RBFOX2: variants seen among roughly 807,000 people sequenced by gnomAD.
The protein encoded by RBFOX2 is RNA binding fox-1 homolog 2.
RBFOX2 carries 10 observed loss-of-function variants against 49.1 expected under a neutral mutation model. The ratio of observed to expected loss-of-function variants is 0.20; its 90% CI spans 0.13 to 0.35. The LOEUF (loss-of-function observed/expected upper bound fraction) is 0.35, where lower values mean the gene tolerates loss of function less well. Ranked by LOEUF, RBFOX2 falls within the 10% of genes least tolerant of loss-of-function variation. RBFOX2 has a pLI of 1.00. For synonymous variants in RBFOX2, 183 were observed against 187.4 expected (o/e 0.98, Z 0.19); for missense variants, 323 against 486.9 (o/e 0.66, Z 3.17).
chr22:35,794,073 A>G (rs1205240589), intron 2 of RBFOX2, among the ~76,000 whole-genome samples: 1 of 152,204 alleles, frequency 6.6e-6, no homozygotes, highest in Non-Finnish European at 1.5e-5. Flanking sequence ...TCAATTTTTT[A>G]AAACTTTATA....
At chr22:36,014,161 G>A (rs947581312) in intron 1 of RBFOX2, among the ~76,000 whole-genome samples, 86 of 149,480 alleles carry the variant, frequency 5.8e-4, no homozygotes, top group Admixed American at 1.8e-3. Flanking sequence ...TCACTCTGTC[G>A]CCCAGGCTGG....
chr22:35,806,612 G>A (rs1315739510), intron 2 of RBFOX2, among the ~76,000 whole-genome samples: 5 of 151,990 alleles, frequency 3.3e-5, no homozygotes, highest in Non-Finnish European at 7.4e-5. Flanking sequence ...GATGTAAAAG[G>A]TACAAAAATT....
chr22:35,781,978 T>C (rs1945244199), intron 2 of RBFOX2, among the ~76,000 whole-genome samples: 1 of 152,200 alleles, frequency 6.6e-6, no homozygotes, highest in Admixed American at 6.5e-5. Flanking sequence ...ATTTATAGTA[T>C]GCTAACAAAA....
intron 6 of RBFOX2, among the ~76,000 whole-genome samples, chr22:35,762,131 A>C (rs1939122403): frequency 6.6e-6 from 1 of 152,226 alleles, no homozygotes; most frequent in Non-Finnish European, 1.5e-5. Flanking sequence ...CCTTTAAGTT[A>C]ATCAGACTTC....
intron 1 of RBFOX2, among the ~76,000 whole-genome samples, chr22:35,991,767 C>A (rs2150111991): frequency 6.6e-6 from 1 of 152,232 alleles, no homozygotes; most frequent in South Asian, 2.1e-4. Context: ...CCGACTCAGG[C>A]TGACAAGAAC....
At chr22:35,806,883 C>A (rs879357692) in intron 2 of RBFOX2, among the ~76,000 whole-genome samples, 1 of 152,182 alleles carries the variant, frequency 6.6e-6, no homozygotes, top group Non-Finnish European at 1.5e-5. Flanking sequence ...CAGTTCACTG[C>A]AACCTCCGCC....
At chr22:35,899,608 G>A (rs1270670580) in intron 1 of RBFOX2, among the ~76,000 whole-genome samples, 1 of 151,196 alleles carries the variant, frequency 6.6e-6, no homozygotes, top group Non-Finnish European at 1.5e-5. Context: ...GGAACAAAGT[G>A]GTAGGAGAAG....
intron 1 of RBFOX2, among the ~76,000 whole-genome samples, chr22:35,846,846 C>T (rs943267314): frequency 3.9e-5 from 6 of 152,288 alleles, no homozygotes; most frequent in Middle Eastern, 3.4e-3. Flanking sequence ...CTACCCTAAA[C>T]CCTCAAATCA....
chr22:35,909,324 C>T (rs938437838), intron 1 of RBFOX2, among the ~76,000 whole-genome samples: 1 of 152,022 alleles, frequency 6.6e-6, no homozygotes, highest in African/African-American at 2.4e-5. Flanking sequence ...ATATACATTA[C>T]ATCAGGAATT....
At chr22:35,866,932 T>C (rs1290206926) in intron 1 of RBFOX2, among the ~76,000 whole-genome samples, 3 of 152,212 alleles carry the variant, frequency 2.0e-5, no homozygotes, top group Admixed American at 6.5e-5. Flanking sequence ...TAGAGAGCCC[T>C]TGGAGCCCTA....
chr22:35,780,546 A>C (rs1180676720), intron 3 of RBFOX2, among the ~76,000 whole-genome samples: 1 of 152,220 alleles, frequency 6.6e-6, no homozygotes, highest in Non-Finnish European at 1.5e-5. Flanking sequence ...TCAGGAGGAA[A>C]TAAACAGTTG....
At chr22:35,808,682 T>C (rs1334705762) in intron 2 of RBFOX2, among the ~76,000 whole-genome samples, 1 of 151,954 alleles carries the variant, frequency 6.6e-6, no homozygotes, top group Non-Finnish European at 1.5e-5. Flanking sequence ...ACCCTGTCTC[T>C]ACAAAAAAAA....
intron 1 of RBFOX2, among the ~76,000 whole-genome samples, chr22:36,017,704 A>G (rs963948399): frequency 3.9e-5 from 6 of 152,188 alleles, no homozygotes; most frequent in African/African-American, 1.4e-4. Context: ...GTAAATCAAC[A>G]GCCTGCTCCA....
At chr22:35,835,332 G>A (rs965023112) in intron 1 of RBFOX2, among the ~76,000 whole-genome samples, 45 of 152,280 alleles carry the variant, frequency 3.0e-4, no homozygotes, top group Middle Eastern at 3.4e-3. Context: ...TAGTATGACT[G>A]GTTCCCAGAA....
At chr22:35,923,889 T>TG (rs1371345774) in intron 1 of RBFOX2, among the ~76,000 whole-genome samples, 46 of 151,236 alleles carry the variant, frequency 3.0e-4, no homozygotes, top group Non-Finnish European at 5.0e-4. Context: ...GGGAAGCAAG[T>TG]GGGGAACATA....
At chr22:35,819,415 G>T (rs1470177813) in intron 1 of RBFOX2, among the ~76,000 whole-genome samples, 3 of 151,996 alleles carry the variant, frequency 2.0e-5, no homozygotes, top group South Asian at 2.1e-4. Context: ...ATTTTTTTTG[G>T]TTTTTAAAGA....
At chr22:35,761,620 G>A (rs1406195987) in intron 6 of RBFOX2, 152 bp from the exon 8 acceptor site, 2 of 752,412 alleles carry the variant, frequency 2.7e-6, no homozygotes, top group African/African-American at 1.7e-5. Context: ...ATATGAGAGA[G>A]TAACAGTAGT....
In RBFOX2 at chr22:35,768,237, G is replaced by T. The variant is rs1268586871; in HGVS notation, c.546+20C>A. 6.2e-7 allele frequency: 1 copy of T among 1,604,596 alleles called. No individual in the cohort carries two copies. The highest frequency in any genetic ancestry group is 1.1e-5 in the South Asian group (1 of 90,042). On this transcript the variant is annotated intron_variant, in intron 5 of 11. Transcript: ENST00000405409. Reference sequence around the variant, plus strand: ...GAAATAAAAATATAAACCAGAAATTGAATTATTAAAGACATGCACCTCGAT... The same window carrying T: ...GAAATAAAAATATAAACCAGAAATTTAATTATTAAAGACATGCACCTCGAT...
At chr22:35,837,923 G>C (rs1447968405) in intron 1 of RBFOX2, among the ~76,000 whole-genome samples, 1 of 152,066 alleles carries the variant, frequency 6.6e-6, no homozygotes, top group African/African-American at 2.4e-5. Flanking sequence ...ATAAGCATGT[G>C]CACTCTAACT....
Sources: allele counts gnomAD v4.1 joint callset (sites outside exome capture counted in the v4.1 genomes callset), GRCh38; gene constraint gnomAD v4.1.1; transcripts MANE v1.5; gene names NCBI Gene and HGNC (gene_info 2026-07-23, HGNC 2026-07-21).